Variants in OPCML observed in about 807,000 individuals in gnomAD.
OPCML encodes opioid binding protein/cell adhesion molecule like, also known as opioid-binding protein/cell adhesion molecule.
A neutral mutation model predicts 37.8 loss-of-function variants in OPCML; 13 were observed. That is an observed-to-expected ratio of 0.34 (90% CI 0.22 to 0.55). OPCML has a LOEUF of 0.55. Among genes scored for constraint, OPCML ranks in the 20% least tolerant of loss-of-function variants. OPCML has a pLI of 0.91. For synonymous variants in OPCML, 176 were observed against 168.8 expected (o/e 1.04, Z -0.33); for missense variants, 341 against 435.6 (o/e 0.78, Z 1.93).
intron 1 of OPCML, among the ~76,000 whole-genome samples, chr11:133,318,117 A>G (rs1205774481): frequency 6.6e-6 from 1 of 152,210 alleles, no homozygotes; most frequent in Non-Finnish European, 1.5e-5. Flanking sequence ...CATTGTGGCC[A>G]GCACTTCTGC....
chr11:133,119,192 G>A (rs1298448056), intron 1 of OPCML, among the ~76,000 whole-genome samples: 4 of 152,040 alleles, frequency 2.6e-5, no homozygotes, highest in Non-Finnish European at 5.9e-5. Context: ...TACTGGCCAG[G>A]AGACTCCCAG....
intron 2 of OPCML, among the ~76,000 whole-genome samples, chr11:132,910,803 A>G (rs1009938449): frequency 4.6e-5 from 7 of 152,224 alleles, no homozygotes; most frequent in Non-Finnish European, 7.3e-5. Context: ...TTGCAACTCA[A>G]TTGCTGTTTC....
Position 132,696,674 on chromosome 11 carries a change from T to C in OPCML, c.147-39355A>G, listed in dbSNP as rs186301129. On this transcript the variant is annotated intron_variant, in intron 2 of 7. Transcript: ENST00000524381. ...AGAAGACCATGATGGAAAGTATGTG[T>C]GAGGAAGCACTGCTCGTATCAGATA... 3.1e-3 allele frequency among the ~76,000 whole-genome samples: 469 copies of C among 152,182 alleles called. 4 individuals are homozygous for C. Among genetic ancestry groups the C allele is most frequent in the South Asian group, 0.022 (104 of 4,818 alleles).
intron 1 of OPCML, among the ~76,000 whole-genome samples, chr11:133,047,064 G>T (rs1377783054): frequency 6.6e-6 from 1 of 152,148 alleles, no homozygotes; most frequent in Non-Finnish European, 1.5e-5. Flanking sequence ...GACCTGAAAC[G>T]GTGATTGAGA....
At chr11:133,171,595 A>G (rs1950289818) in intron 1 of OPCML, among the ~76,000 whole-genome samples, 1 of 152,218 alleles carries the variant, frequency 6.6e-6, no homozygotes, top group African/African-American at 2.4e-5. Context: ...CCAGCGCTCG[A>G]ACTGTTTGCT....
chr11:133,518,479 A>G (rs1231173443), intron 1 of OPCML, among the ~76,000 whole-genome samples: 1 of 151,296 alleles, frequency 6.6e-6, no homozygotes, highest in African/African-American at 2.4e-5. Flanking sequence ...GTGTGCATGG[A>G]TGTTTGTGTA....
chr11:132,467,667 G>A (rs556685339), intron 4 of OPCML, among the ~76,000 whole-genome samples: 1 of 152,316 alleles, frequency 6.6e-6, no homozygotes, highest in Admixed American at 6.5e-5. Context: ...ACTGAGTGCG[G>A]AAATGAACTT....
chr11:133,527,182 G>A (rs562894486), intron 1 of OPCML, among the ~76,000 whole-genome samples: 1 of 152,212 alleles, frequency 6.6e-6, no homozygotes, highest in African/African-American at 2.4e-5. Context: ...GGGGCTCCTG[G>A]AGTTCCAGCT....
intron 1 of OPCML, among the ~76,000 whole-genome samples, chr11:132,976,701 T>A (rs1356635740): frequency 6.6e-6 from 1 of 152,246 alleles, no homozygotes; most frequent in Non-Finnish European, 1.5e-5. Flanking sequence ...TCACTCCTAG[T>A]ACTTTCTGGC....
intron 1 of OPCML, among the ~76,000 whole-genome samples, chr11:133,084,188 A>C (rs900825601): frequency 1.3e-5 from 2 of 152,154 alleles, no homozygotes; most frequent in Non-Finnish European, 2.9e-5. Context: ...TAATGGTAAT[A>C]GCTCCTCCAG....
chr11:133,150,508 GT>G (rs1291796323), intron 1 of OPCML, among the ~76,000 whole-genome samples: 2 of 152,164 alleles, frequency 1.3e-5, no homozygotes, highest in African/African-American at 4.8e-5. Context: ...CATGGCTGTT[GT>G]TTTCGGAATC....
intron 1 of OPCML, among the ~76,000 whole-genome samples, chr11:133,356,021 A>C (rs1383479729): frequency 6.6e-6 from 1 of 152,232 alleles, no homozygotes; most frequent in Non-Finnish European, 1.5e-5. Context: ...AAAATCTCTA[A>C]AGGCTTCAAG....
chr11:133,271,609 C>T (rs747182162), intron 1 of OPCML, among the ~76,000 whole-genome samples: 7 of 152,160 alleles, frequency 4.6e-5, no homozygotes, highest in Non-Finnish European at 5.9e-5. Flanking sequence ...TAAGAAATAG[C>T]TAGAGTTGTT....
At chr11:133,040,652 T>C (rs1947874230) in intron 1 of OPCML, among the ~76,000 whole-genome samples, 3 of 152,132 alleles carry the variant, frequency 2.0e-5, no homozygotes, top group Non-Finnish European at 1.5e-5. Context: ...CGTCCAGGCC[T>C]GTGCCCATCA....
intron 1 of OPCML, among the ~76,000 whole-genome samples, chr11:133,405,348 T>C (rs1294587895): frequency 6.6e-6 from 1 of 152,188 alleles, no homozygotes; most frequent in Non-Finnish European, 1.5e-5. Context: ...CGGCCACAGA[T>C]TTGGAATTGC....
chr11:133,370,404 C>T (rs1944646262), intron 1 of OPCML, among the ~76,000 whole-genome samples: 2 of 148,918 alleles, frequency 1.3e-5, no homozygotes, highest in Non-Finnish European at 3.0e-5. Flanking sequence ...ATACAAAAAT[C>T]AGCAGCATTT....
At chr11:133,091,910 G>A (rs954703493) in intron 1 of OPCML, among the ~76,000 whole-genome samples, 1 of 152,156 alleles carries the variant, frequency 6.6e-6, no homozygotes, top group Non-Finnish European at 1.5e-5. Context: ...TTTTTCATGT[G>A]AGGACATGAA....
At chr11:133,034,352 GGAGA>G (rs1348361931) in intron 1 of OPCML, among the ~76,000 whole-genome samples, 1 of 106,416 alleles carries the variant, frequency 9.4e-6, no homozygotes, top group Non-Finnish European at 2.1e-5. Flanking sequence ...ACAGACAGAG[GGAGA>G]GAGAGAGACA....
intron 2 of OPCML, among the ~76,000 whole-genome samples, chr11:132,834,106 T>A (rs1940870888): frequency 6.6e-6 from 1 of 152,260 alleles, no homozygotes; most frequent in Non-Finnish European, 1.5e-5. Flanking sequence ...GCTCCTTTTC[T>A]GAGAAGTTGG....
Sources: gnomAD v4.1 joint callset for allele counts (sites outside exome capture counted in the v4.1 genomes callset) on GRCh38, gnomAD v4.1.1 for gene constraint, MANE v1.5 for transcripts, NCBI Gene and HGNC (gene_info 2026-07-23, HGNC 2026-07-21) for gene names.